CDCA3: variants seen among roughly 807,000 people sequenced by gnomAD.
CDCA3 encodes the protein cell division cycle associated 3, also known as cell division cycle-associated protein 3.
In CDCA3, 16 loss-of-function variants were observed where a neutral mutation model predicts 29.1. The ratio of observed to expected loss-of-function variants is 0.55; its 90% confidence interval spans 0.37 to 0.83. CDCA3 has a LOEUF of 0.83. Among genes scored for constraint, CDCA3 ranks in the 40% least tolerant of loss-of-function variants. The probability of loss-of-function intolerance (pLI) is 0.00; values close to 1 mark genes in which losing one functional copy is unlikely to be tolerated. For missense variants in CDCA3, 291 were observed against 327.2 expected, an observed-to-expected ratio of 0.89 and a Z score of 0.85; for synonymous variants, 88 against 124.5, an observed-to-expected ratio of 0.71 and a Z score of 1.95.
At position 6,849,197 on chromosome 12, in the gene CDCA3, C is replaced by A. The variant is rs782030784; in HGVS notation, c.653G>T (p.Gly218Val). Residue 218 changes from glycine (G) to valine (V), a missense_variant and splice_region_variant, in exon 6 of 6, where the codon GGT becomes GTT. By Grantham distance (109) the Gly-to-Val change is moderately radical. Coordinates refer to ENST00000538862, the MANE Select transcript of CDCA3 (RefSeq NM_031299.7). This position sits in a 1 kb window ranked among gnomAD's most constrained non-coding sequence, Gnocchi z 5.2. Reference protein sequence around the residue: ...NSPGTLTLRQGKRPSPLSENV... With the variant: ...NSPGTLTLRQVKRPSPLSENV... ...TTCACTTAGGGGTGAAGGCCGCTTA[C>A]CCTGAAAACGGCAGTGTATGAGTTG... is the stretch of plus-strand genomic sequence containing the variant. 2 of 1,614,148 alleles carry A rather than the reference C, an allele frequency of 1.2e-6. No individual in the cohort carries two copies. Among genetic ancestry groups the A allele is most frequent in the South Asian group, 2.2e-5 (2 of 91,088 alleles).
Position 6,850,373 on chromosome 12 carries a change from C to A in CDCA3, c.250+94G>T, listed in dbSNP as rs1555126085. The A allele has an allele frequency of 1.3e-6, 2 of 1,496,140 alleles. No homozygotes were observed. The highest frequency in any genetic ancestry group is 2.4e-5 in the South Asian group (2 of 84,048). The allele number at this position is 1,496,140 out of a possible 1,614,324, so 92.7% of individuals were successfully genotyped here. A position where few individuals can be genotyped will look rare whatever the true frequency, so the allele number is the denominator to read the frequency against. On this transcript the variant is annotated intron_variant, in intron 3 of 5. Transcript: ENST00000538862. The surrounding 1 kb of genome is among the most constrained non-coding windows in gnomAD (Gnocchi z 4.7). ...TGGGTCCGAAGCAGGAGGATAGAGG[C>A]CCCTTTAAGGAACCCTGAGAGAATG...
Position 6,851,004 on chromosome 12 carries a change from G to A in CDCA3, c.-52C>T, listed in dbSNP as rs1225647838. 1.3e-6 allele frequency: 2 copies of A among 1,573,384 alleles called. No individual in the cohort carries two copies. The highest frequency in any genetic ancestry group is 1.7e-6 in the Non-Finnish European group (2 of 1,165,504). ...CAAGGGCCAGCCCGGGACGAGGAGGGAATGCCTGTGAGAAGTGACTCAGGT... is the reference window on the plus strand; with the variant it reads ...CAAGGGCCAGCCCGGGACGAGGAGGAAATGCCTGTGAGAAGTGACTCAGGT... On this transcript the variant is annotated 5_prime_UTR_variant, in exon 2 of 6. Transcript: ENST00000538862.
downstream of CDCA3, chr12:6,845,455 C>G: frequency 1.5e-6 from 1 of 653,944 alleles, no homozygotes; most frequent in Non-Finnish European, 2.7e-6. Context: ...CACCCCAAAC[C>G]AAGGGAGGGA....
At chr12:6,847,095 C>T (rs782196414), downstream of CDCA3, 65 of 566,190 alleles carry the variant, frequency 1.1e-4, no homozygotes, top group South Asian at 1.3e-3. Flanking sequence ...ACTGCCCCAT[C>T]TCCTCCCATG....
In CDCA3 at chr12:6,849,949, G is replaced by A; in HGVS notation, c.251-91C>T. On this transcript the variant is annotated intron_variant, in intron 3 of 5. Transcript: ENST00000538862. This position sits in a 1 kb window ranked among gnomAD's most constrained non-coding sequence, Gnocchi z 5.2. ...TACAGAAACCCAGGACTCATGCCCA[G>A]GAGGGTGAGCAAGTGGGAAGAGAGA... 8.4e-7 allele frequency: 1 copy of A among 1,186,014 alleles called. No homozygotes were observed. Among genetic ancestry groups the A allele is most frequent in the East Asian group, 2.5e-5 (1 of 39,478 alleles). 73.5% of individuals were successfully genotyped at this position (1,186,014 alleles called of 1,614,324 possible).
At chr12:6,846,796 C>T (rs1555124833), downstream of CDCA3, 5 of 1,583,146 alleles carry the variant, frequency 3.2e-6, no homozygotes, top group Non-Finnish European at 3.4e-6. Context: ...CCTCAGGCAT[C>T]CTCTCTGGCC....
At position 6,849,301 on chromosome 12, in the gene CDCA3, C is replaced by T; in HGVS notation, c.651+22G>A. On this transcript the variant is annotated intron_variant, in intron 5 of 5. Transcript: ENST00000538862. This position sits in a 1 kb window ranked among gnomAD's most constrained non-coding sequence, Gnocchi z 5.2. ...TCTACGTTGGATATCCTAGTAACAG[C>T]TTGCACTTTCTCTTCCTTTACCTGT... The T allele has an allele frequency of 1.3e-6, 2 of 1,593,924 alleles. No homozygotes were observed. The highest frequency in any genetic ancestry group is 1.7e-6 in the Non-Finnish European group (2 of 1,168,958).
rs782594919 is a variant in CDCA3 at position 6,849,149 on chromosome 12, C to G, written c.701G>C (p.Gly234Ala). Residue 234 changes from glycine to alanine, a missense_variant, in exon 6 of 6, where the codon GGA becomes GCA. Coordinates refer to ENST00000538862, the MANE Select transcript of CDCA3 (RefSeq NM_031299.7). The surrounding 1 kb of genome is among the most constrained non-coding windows in gnomAD (Gnocchi z 5.2). Reference protein sequence around the residue: ...LSENVSELKEGAILGTGRLLK... With the variant: ...LSENVSELKEAAILGTGRLLK... ...AAGTCGTCCAGTTCCAAGAATGGCTCCTTCCTTTAGTTCACTAACATTTTC... is the reference window on the plus strand; with the variant it reads ...AAGTCGTCCAGTTCCAAGAATGGCTGCTTCCTTTAGTTCACTAACATTTTC... 1 of 1,613,380 alleles carries G rather than the reference C, an allele frequency of 6.2e-7. No homozygotes were observed. The highest frequency in any genetic ancestry group is 8.5e-7 in the Non-Finnish European group (1 of 1,179,274).
At chr12:6,845,812 AGCC>A, downstream of CDCA3, 1 of 1,595,178 alleles carries the variant, frequency 6.3e-7, no homozygotes, top group Non-Finnish European at 8.6e-7. Flanking sequence ...GGTAAGGGCC[AGCC>A]CTGGCTGCTG....
downstream of CDCA3, among the ~76,000 whole-genome samples, chr12:6,847,875 A>G (rs1337340716): frequency 6.6e-6 from 1 of 152,126 alleles, no homozygotes; most frequent in African/African-American, 2.4e-5. Context: ...GAGCGACAGG[A>G]CAGAGGGGTT....
chr12:6,847,586 C>T (rs782055638), downstream of CDCA3, among the ~76,000 whole-genome samples: 57 of 152,208 alleles, frequency 3.7e-4, no homozygotes, highest in African/African-American at 1.3e-3. Context: ...TGCAGCAGTT[C>T]GCTATGGCCT....
chr12:6,845,370 C>T (rs1031706211), downstream of CDCA3: 3 of 563,496 alleles, frequency 5.3e-6, no homozygotes, highest in African/African-American at 1.9e-5. Context: ...CTGCCTGCAG[C>T]GCTGTATAGT....
At chr12:6,848,742 C>G, downstream of CDCA3, 1 of 383,316 alleles carries the variant, frequency 2.6e-6, no homozygotes, top group Non-Finnish European at 4.7e-6. Context: ...AAAGAAGGCT[C>G]AGAGCATCAG....
At chr12:6,845,545 C>T (rs1279226893), downstream of CDCA3, 2 of 1,424,698 alleles carry the variant, frequency 1.4e-6, no homozygotes, top group African/African-American at 2.8e-5. Context: ...TGTGGGCTGC[C>T]CAGGTCTGAT....
Position 6,850,256 on chromosome 12 carries a change from G to A in CDCA3, c.250+211C>T, listed in dbSNP as rs1442028281. The A allele has an allele frequency of 8.1e-6, 5 of 614,810 alleles. No homozygotes were observed. Among genetic ancestry groups the A allele is most frequent in the South Asian group, 1.9e-5 (1 of 51,300 alleles). The allele number at this position is 614,810 out of a possible 1,614,324, so 38.1% of individuals were successfully genotyped here. On this transcript the variant is annotated intron_variant, in intron 3 of 5. Transcript: ENST00000538862. The surrounding 1 kb of genome is among the most constrained non-coding windows in gnomAD (Gnocchi z 4.7). ...TGGTCTTGAACTCCTGGGCTCAAGCGATCTGACCACCCCGGCCTTCCAACG... is the reference window on the plus strand; with the variant it reads ...TGGTCTTGAACTCCTGGGCTCAAGCAATCTGACCACCCCGGCCTTCCAACG...
chr12:6,847,228 C>A, downstream of CDCA3: 1 of 331,158 alleles, frequency 3.0e-6, no homozygotes. Flanking sequence ...GATTCCTCCC[C>A]CAGAGCCACT....
downstream of CDCA3, chr12:6,846,619 A>G (rs980051392): frequency 1.2e-5 from 7 of 561,476 alleles, no homozygotes; most frequent in Admixed American, 2.9e-5. Flanking sequence ...TCAAGCACAC[A>G]TGCACACACA....
At position 6,849,912 on chromosome 12, in the gene CDCA3, A is replaced by G; in HGVS notation, c.251-54T>C. The stretch of plus-strand genomic sequence containing the variant: ...ACCTTCTGATACACAACATTCAGCA[A>G]GGAGCAAAACATACAGAAACCCAGG... On this transcript the variant is annotated intron_variant, in intron 3 of 5. Transcript: ENST00000538862. This position sits in a 1 kb window ranked among gnomAD's most constrained non-coding sequence, Gnocchi z 5.2. The G allele has an allele frequency of 2.1e-6, 3 of 1,439,720 alleles. No individual in the cohort carries two copies. The highest frequency in any genetic ancestry group is 2.8e-6 in the Non-Finnish European group (3 of 1,081,074). The allele number at this position is 1,439,720 out of a possible 1,614,324, so 89.2% of individuals were successfully genotyped here.
At position 6,850,517 on chromosome 12, in the gene CDCA3, C is replaced by T. The variant is rs200589400; in HGVS notation, c.200G>A (p.Arg67His). 9.3e-6 allele frequency: 15 copies of T among 1,614,052 alleles called. No individual in the cohort carries two copies. The East Asian group carries it at 2.9e-4, about 31-fold the overall frequency. ...CCGTGCAATACCAAGAGTAGGAGAG[C>T]GGGGATCTGAGTCCTGGGCATGTTT... ...GLKHAQDSDP[R>H]SPTLGIARTP... Residue 67 changes from arginine (R) to histidine (H), a missense_variant, in exon 3 of 6, where the codon CGC (arginine) becomes CAC (histidine). Physicochemically the swap from Arg to His is conservative, Grantham distance 29. Coordinates refer to ENST00000538862, the MANE Select transcript of CDCA3 (RefSeq NM_031299.7). This position sits in a 1 kb window ranked among gnomAD's most constrained non-coding sequence, Gnocchi z 4.7.
Sources: gnomAD v4.1 joint callset for allele counts (sites outside exome capture counted in the v4.1 genomes callset) on GRCh38, gnomAD v4.1.1 for gene constraint, Gnocchi (gnomAD v3.1) non-coding constraint, MANE v1.5 for transcripts, NCBI Gene and HGNC (gene_info 2026-07-23, HGNC 2026-07-21) for gene names.